Variants in ANKRD36B observed in about 807,000 individuals in gnomAD.
ANKRD36B encodes the protein ankyrin repeat domain 36B.
ANKRD36B carries 37 observed loss-of-function variants against 135.7 expected under a neutral mutation model. The observed-to-expected ratio is 0.27, with a 90% CI of 0.21 to 0.36. ANKRD36B has a LOEUF of 0.36. Among genes scored for constraint, ANKRD36B ranks in the 10% least tolerant of loss-of-function variants. ANKRD36B has a pLI of 1.00. For missense variants in ANKRD36B, 549 were observed against 1,037.1 expected (o/e 0.53, Z 6.46); for synonymous variants, 179 against 348.1 (o/e 0.51, Z 5.41).
Position 97,529,082 on chromosome 2 carries a change from T to C in ANKRD36B, c.2265+3229A>G, listed in dbSNP as rs1240254558. ...GCCAGCATCATCCTGATACCAAAGC[T>C]GGGCAGAGACACAACCAAAAAAGAG... On this transcript the variant is annotated intron_variant, in intron 35 of 43. Coordinates refer to ENST00000359901, the MANE Select transcript of ANKRD36B (RefSeq NM_001393939.1). Among the ~76,000 whole-genome samples, 3 of 96,196 alleles carry C rather than the reference T, an allele frequency of 3.1e-5. 1 individual carries two copies. The highest frequency in any genetic ancestry group is 6.3e-5 in the African/African-American group (2 of 31,958). 63.1% of individuals were successfully genotyped at this position (96,196 alleles called of 152,430 possible). A position where few individuals can be genotyped will look rare whatever the true frequency, so the allele number is the denominator to read the frequency against.
In ANKRD36B at chr2:97,535,332, T is replaced by C. The variant is rs189015235; in HGVS notation, c.2191+968A>G. On this transcript the variant is annotated intron_variant, in intron 34 of 43. Transcript: ENST00000359901. Reference sequence around the variant, plus strand: ...TACTGAGGAAGTACAAATGAAAAGATAGCACAAAGAAATGGTTAATGCTTG... The same window carrying C: ...TACTGAGGAAGTACAAATGAAAAGACAGCACAAAGAAATGGTTAATGCTTG... 9.5e-4 allele frequency among the ~76,000 whole-genome samples: 97 copies of C among 102,268 alleles called. 5 individuals are homozygous for C. Among genetic ancestry groups the C allele is most frequent in the South Asian group, 6.3e-3 (27 of 4,312 alleles). 67.1% of individuals were successfully genotyped at this position (102,268 alleles called of 152,430 possible).
intron 20 of ANKRD36B, among the ~76,000 whole-genome samples, chr2:97,548,839 T>G (rs2079753255): frequency 6.6e-6 from 1 of 152,068 alleles, no homozygotes; most frequent in African/African-American, 2.4e-5. Flanking sequence ...ATCAAGTATT[T>G]TTTATTAAAA....
chr2:97,580,689 C>G, intron 3 of ANKRD36B, 121 bp from the exon 4 acceptor site: 1 of 880,054 alleles, frequency 1.1e-6, no homozygotes, highest in Non-Finnish European at 1.6e-6. Context: ...AAGAGGTAGT[C>G]CCTTTCTTTT....
At chr2:97,584,542 T>A (rs2082842207) in intron 3 of ANKRD36B, among the ~76,000 whole-genome samples, 1 of 151,984 alleles carries the variant, frequency 6.6e-6, no homozygotes, top group African/African-American at 2.4e-5. Context: ...ACATTTATTG[T>A]GAAATTCTTT....
At chr2:97,554,943 T>C in intron 14 of ANKRD36B, 117 bp downstream of exon 14, 1 of 1,312,742 alleles carries the variant, frequency 7.6e-7, no homozygotes, top group Non-Finnish European at 1.1e-6. Context: ...GAAGAATCTC[T>C]GGCCTGCTGA....
At chr2:97,549,553 A>G (rs779546003) in intron 19 of ANKRD36B, 33 bp downstream of exon 19, 18 of 1,609,090 alleles carry the variant, frequency 1.1e-5, no homozygotes, top group Non-Finnish European at 6.8e-6. Flanking sequence ...CCATACATTA[A>G]CTAGTTCACA....
chr2:97,549,940 T>A (rs1299280671), intron 18 of ANKRD36B, among the ~76,000 whole-genome samples: 65 of 152,032 alleles, frequency 4.3e-4, no homozygotes, highest in Non-Finnish European at 8.7e-4. Context: ...CAACTCACAC[T>A]CCTGAGAATC....
chr2:97,547,796 C>G (rs575934894), intron 20 of ANKRD36B, 65 bp from the exon 21 acceptor site: 7 of 1,529,548 alleles, frequency 4.6e-6, no homozygotes, highest in Non-Finnish European at 6.2e-6. Flanking sequence ...CACACATTCA[C>G]GCAGTGTTAG....
At chr2:97,573,884 A>G (rs2082054084) in intron 6 of ANKRD36B, among the ~76,000 whole-genome samples, 2 of 152,244 alleles carry the variant, frequency 1.3e-5, no homozygotes, top group South Asian at 4.1e-4. Context: ...TACAAAAATT[A>G]ATTCAAGATG....
At chr2:97,554,390 T>C (rs2080311761) in intron 14 of ANKRD36B, among the ~76,000 whole-genome samples, 2 of 151,952 alleles carry the variant, frequency 1.3e-5, no homozygotes, top group African/African-American at 2.4e-5. Context: ...TTATGCCTAA[T>C]AGTAGCAAAG....
chr2:97,536,018 T>A (rs1189821472), intron 34 of ANKRD36B, among the ~76,000 whole-genome samples: 1 of 94,630 alleles, frequency 1.1e-5, no homozygotes, highest in East Asian at 2.3e-4. Context: ...TGAGCTACAA[T>A]TGAGCCATTG....
intron 6 of ANKRD36B, among the ~76,000 whole-genome samples, chr2:97,563,557 G>C (rs1034449049): frequency 1.3e-5 from 2 of 151,924 alleles, no homozygotes; most frequent in Non-Finnish European, 2.9e-5. Flanking sequence ...GATCAACAAA[G>C]GGGTTCTAAA....
At position 97,576,817 on chromosome 2, in the gene ANKRD36B, T is replaced by C. The variant is rs1254664546; in HGVS notation, c.696-371A>G. Among the ~76,000 whole-genome samples, 5 of 152,044 alleles carry C rather than the reference T, an allele frequency of 3.3e-5. No homozygotes were observed. The East Asian group carries it at 7.7e-4, about 23-fold the overall frequency. On this transcript the variant is annotated intron_variant, in intron 5 of 43. Transcript: ENST00000359901. The stretch of plus-strand genomic sequence containing the variant: ...ATTTTACTACCTTCTTTCACTAGGT[T>C]GTTATATAGGTTTAATGAAGCAGCA...
In ANKRD36B at chr2:97,553,347, A is replaced by C. The variant is rs768954762; in HGVS notation, c.1196T>G (p.Leu399Trp). The change falls in exon 15 of 44, where the codon TTG becomes TGG. Residue 399 changes from leucine to tryptophan, a missense_variant. Leu to Trp is a moderately conservative substitution (Grantham distance 61, BLOSUM62 -2). Transcript: ENST00000359901. ...CATAAATGAGAGTTCAATTACCTTC[A>C]AGGCTTGTTGTTTCTGAGAAGACAC... ...GTVSSQKQQA[L>W]KATTDEEGSV... 1.9e-6 allele frequency: 3 copies of C among 1,609,788 alleles called. No individual in the cohort carries two copies. Among genetic ancestry groups the C allele is most frequent in the Non-Finnish European group, 2.5e-6 (3 of 1,178,602 alleles).
Position 97,525,614 on chromosome 2 carries a change from G to C in ANKRD36B, c.2266-2147C>G, listed in dbSNP as rs543883068. Among the ~76,000 whole-genome samples the C allele has an allele frequency of 8.2e-5, 8 of 96,982 alleles. 1 individual carries two copies. The East Asian group carries it at 1.8e-3, about 22-fold the overall frequency. The allele number at this position is 96,982 out of a possible 152,430, so 63.6% of individuals were successfully genotyped here. ...GGAGGGTGAGGCATTGCCTCACTCA[G>C]GAAGTGGAAGGGGTCAGGGAGTTCC... On this transcript the variant is annotated intron_variant, in intron 35 of 43. Transcript: ENST00000359901.
At chr2:97,565,413 C>T (rs1165937648) in intron 6 of ANKRD36B, among the ~76,000 whole-genome samples, 2 of 152,048 alleles carry the variant, frequency 1.3e-5, no homozygotes, top group African/African-American at 4.8e-5. Context: ...AGTGAACAGG[C>T]AACCTACAGA....
chr2:97,553,525 C>G (rs2104687887), intron 14 of ANKRD36B, among the ~76,000 whole-genome samples, 154 bp from the exon 15 acceptor site: 1 of 152,006 alleles, frequency 6.6e-6, no homozygotes, highest in East Asian at 2.0e-4. Context: ...GAGCATGACA[C>G]AAATATACTA....
chr2:97,571,004 A>G (rs1482712545), intron 6 of ANKRD36B, among the ~76,000 whole-genome samples: 5 of 152,234 alleles, frequency 3.3e-5, no homozygotes, highest in African/African-American at 4.8e-5. Context: ...TAAATCCATA[A>G]GGGAACAGAA....
At chr2:97,559,108 T>G in intron 8 of ANKRD36B, 114 bp from the exon 9 acceptor site, 1 of 1,387,602 alleles carries the variant, frequency 7.2e-7, no homozygotes, top group South Asian at 1.5e-5. Flanking sequence ...TAGTGTAGGC[T>G]TTGATGTTTT....
Sources: allele counts gnomAD v4.1 joint callset (sites outside exome capture counted in the v4.1 genomes callset), GRCh38; gene constraint gnomAD v4.1.1; transcripts MANE v1.5; gene names NCBI Gene and HGNC (gene_info 2026-07-23, HGNC 2026-07-21).